Variants in CERKL observed in about 807,000 individuals in gnomAD.
The protein encoded by CERKL is CERK like autophagy regulator, also known as ceramide kinase-like protein.
CERKL carries 61 observed loss-of-function variants against 63.4 expected under a neutral mutation model. The observed-to-expected ratio is 0.96, with a 90% CI of 0.78 to 1.19. CERKL has a LOEUF of 1.19. Among genes scored for constraint, CERKL ranks in the 50% most tolerant of loss-of-function variants. The probability of loss-of-function intolerance (pLI) is 0.00; values close to 1 mark genes in which losing one functional copy is unlikely to be tolerated. For synonymous variants in CERKL, 250 were observed against 230.5 expected, an observed-to-expected ratio of 1.08 and a Z score of -0.77; for missense variants, 675 against 655.5, an observed-to-expected ratio of 1.03 and a Z score of -0.33.
At chr2:181,603,238 T>C (rs1685531712) in intron 2 of CERKL, 5 of 177,880 alleles carry the variant, frequency 2.8e-5, no homozygotes, top group African/African-American at 4.8e-5. Flanking sequence ...CATCAATGTG[T>C]GAGTGGAAGG....
chr2:181,626,893 T>G (rs765345190), intron 1 of CERKL, among the ~76,000 whole-genome samples: 2 of 152,258 alleles, frequency 1.3e-5, no homozygotes, highest in African/African-American at 2.4e-5. Flanking sequence ...GGACTCTCAC[T>G]GGCTGGAAGC....
intron 2 of CERKL, among the ~76,000 whole-genome samples, chr2:181,590,894 T>C (rs1341213871): frequency 2.0e-5 from 3 of 152,202 alleles, no homozygotes; most frequent in Non-Finnish European, 4.4e-5. Flanking sequence ...ACTACACATG[T>C]GCTTAACCTT....
chr2:181,627,971 CA>C (rs1686783655), intron 1 of CERKL, among the ~76,000 whole-genome samples: 1 of 152,084 alleles, frequency 6.6e-6, no homozygotes, highest in Admixed American at 6.6e-5. Flanking sequence ...TCATCAACAA[CA>C]AAAAATACAT....
intron 1 of CERKL, among the ~76,000 whole-genome samples, chr2:181,642,475 T>G (rs1030296843): frequency 3.3e-5 from 5 of 152,238 alleles, no homozygotes; most frequent in African/African-American, 1.2e-4. Context: ...AACTGCTAAG[T>G]GTCAAGTAAA....
intron 1 of CERKL, chr2:181,649,518 G>C (rs1281859455): frequency 6.6e-6 from 1 of 152,044 alleles, no homozygotes; most frequent in African/African-American, 2.4e-5. Context: ...CACACACAGA[G>C]AGATCAAGAA....
intron 1 of CERKL, among the ~76,000 whole-genome samples, chr2:181,639,134 A>T (rs1428457423): frequency 2.0e-5 from 3 of 152,104 alleles, no homozygotes; most frequent in Non-Finnish European, 2.9e-5. Context: ...GTAAAACTAT[A>T]AAGATTATTT....
chr2:181,539,344 TCA>T (rs1687382285), intron 11 of CERKL, 80 bp from the exon 12 acceptor site: 4 of 896,580 alleles, frequency 4.5e-6, no homozygotes, highest in South Asian at 1.4e-5. Flanking sequence ...GAGCCCTCTC[TCA>T]CAAGTAAATA....
At chr2:181,561,147 C>T (rs113255116) in intron 4 of CERKL, among the ~76,000 whole-genome samples, 3,451 of 152,238 alleles carry the variant, frequency 0.023, 78 homozygotes, top group Middle Eastern at 0.041. Context: ...ATTGGCCAGG[C>T]TCATGCATGC....
Position 181,558,838 on chromosome 2 carries a change from A to T in CERKL, c.678-130T>A. On this transcript the variant is annotated intron_variant, in intron 4 of 12. Coordinates refer to ENST00000410087, the MANE Select transcript of CERKL (RefSeq NM_201548.5). This position sits in a 1 kb window ranked among gnomAD's most constrained non-coding sequence, Gnocchi z 4.2. ...CATAACTGCTCACATGTACCTTTAA[A>T]CATGTTAATATGTGTCAATGGGTAA... 1 of 866,562 alleles carries T rather than the reference A, an allele frequency of 1.2e-6. No homozygotes were observed. Among genetic ancestry groups the T allele is most frequent in the Non-Finnish European group, 1.9e-6 (1 of 534,988 alleles). The allele number at this position is 866,562 out of a possible 1,614,324, so 53.7% of individuals were successfully genotyped here. A position where few individuals can be genotyped will look rare whatever the true frequency, so the allele number is the denominator to read the frequency against.
At chr2:181,589,927 G>A (rs1004361442) in intron 2 of CERKL, among the ~76,000 whole-genome samples, 4 of 151,934 alleles carry the variant, frequency 2.6e-5, no homozygotes, top group Non-Finnish European at 2.9e-5. Flanking sequence ...CCAGGCTCAT[G>A]TGACCAGCCC....
intron 1 of CERKL, among the ~76,000 whole-genome samples, chr2:181,654,239 A>T (rs1250917637): frequency 6.6e-6 from 1 of 151,860 alleles, no homozygotes; most frequent in East Asian, 1.9e-4. Context: ...CGAAAGCCTC[A>T]CTTCTACAGG....
intron 2 of CERKL, among the ~76,000 whole-genome samples, chr2:181,591,377 T>C (rs1460920442): frequency 6.6e-6 from 1 of 151,912 alleles, no homozygotes; most frequent in Admixed American, 6.6e-5. Flanking sequence ...ATAATGAAAT[T>C]AATGAAGATA....
intron 4 of CERKL, among the ~76,000 whole-genome samples, chr2:181,559,736 T>G (rs17226931): frequency 0.4 from 60,341 of 152,014 alleles, 12,769 homozygotes; most frequent in African/African-American, 0.53. Flanking sequence ...CAGTCAGCAG[T>G]AGTTACTGGT....
intron 2 of CERKL, among the ~76,000 whole-genome samples, chr2:181,587,289 ATC>A (rs887840682): frequency 3.3e-5 from 5 of 152,212 alleles, no homozygotes; most frequent in African/African-American, 9.6e-5. Context: ...ATGTAAACAT[ATC>A]TCTGTTTCTA....
In CERKL at chr2:181,558,841, T is replaced by G. The variant is rs1186642893; in HGVS notation, c.678-133A>C. Reference sequence around the variant, plus strand: ...AACTGCTCACATGTACCTTTAAACATGTTAATATGTGTCAATGGGTAAGAC... The same window carrying G: ...AACTGCTCACATGTACCTTTAAACAGGTTAATATGTGTCAATGGGTAAGAC... On this transcript the variant is annotated intron_variant, in intron 4 of 12. Transcript: ENST00000410087. This position sits in a 1 kb window ranked among gnomAD's most constrained non-coding sequence, Gnocchi z 4.2. 6 of 829,460 alleles carry G rather than the reference T, an allele frequency of 7.2e-6. No homozygotes were observed. The highest frequency in any genetic ancestry group is 9.9e-6 in the Non-Finnish European group (5 of 503,236). The allele number at this position is 829,460 out of a possible 1,614,324, so 51.4% of individuals were successfully genotyped here. A position where few individuals can be genotyped will look rare whatever the true frequency, so the allele number is the denominator to read the frequency against.
chr2:181,619,314 CAA>C (rs36026668), intron 1 of CERKL, among the ~76,000 whole-genome samples: 2 of 143,988 alleles, frequency 1.4e-5, no homozygotes, highest in African/African-American at 5.7e-5. Flanking sequence ...TCATCTTAAT[CAA>C]AAACCTAGTC....
At chr2:181,616,855 G>T (rs186701779) in intron 1 of CERKL, among the ~76,000 whole-genome samples, 1 of 152,268 alleles carries the variant, frequency 6.6e-6, no homozygotes, top group South Asian at 2.1e-4. Flanking sequence ...AAATATTCAG[G>T]AGAAATTGGT....
At chr2:181,606,574 G>A (rs1172037819) in intron 1 of CERKL, among the ~76,000 whole-genome samples, 1 of 125,582 alleles carries the variant, frequency 8.0e-6, no homozygotes, top group Non-Finnish European at 1.7e-5. Flanking sequence ...AGGGGAGAAG[G>A]GGGAGGGTAG....
intron 5 of CERKL, among the ~76,000 whole-genome samples, chr2:181,553,532 A>G (rs1688079532): frequency 1.3e-5 from 2 of 152,216 alleles, no homozygotes; most frequent in African/African-American, 4.8e-5. Context: ...ACTTAAGAAA[A>G]TAAAGACCAT....
Sources: allele counts gnomAD v4.1 joint callset (sites outside exome capture counted in the v4.1 genomes callset), GRCh38; gene constraint gnomAD v4.1.1; non-coding constraint Gnocchi (gnomAD v3.1); transcripts MANE v1.5; gene names NCBI Gene and HGNC (gene_info 2026-07-23, HGNC 2026-07-21).